PEAK1: variants seen among roughly 807,000 people sequenced by gnomAD.
PEAK1 encodes the protein inactive tyrosine-protein kinase PEAK1.
In PEAK1, 54 loss-of-function variants were observed where a neutral mutation model predicts 124.7. That is an observed-to-expected ratio of 0.43 (90% confidence interval 0.35 to 0.54). The LOEUF (loss-of-function observed/expected upper bound fraction) is 0.54, where lower values mean the gene tolerates loss of function less well. PEAK1 is among the 20% of genes least tolerant of loss of function. The pLI, the probability that PEAK1 is intolerant of heterozygous loss-of-function variation, is 0.01. For synonymous variants in PEAK1, 719 were observed against 760.0 expected, an observed-to-expected ratio of 0.95 and a Z score of 0.89; for missense variants, 2,046 against 2,134.5, an observed-to-expected ratio of 0.96 and a Z score of 0.82.
intron 1 of PEAK1, among the ~76,000 whole-genome samples, chr15:77,413,563 G>A (rs1160191491): frequency 6.6e-6 from 1 of 152,108 alleles, no homozygotes; most frequent in Non-Finnish European, 1.5e-5. Context: ...AAATACTTGT[G>A]TCAAGGTTAT....
intron 1 of PEAK1, among the ~76,000 whole-genome samples, chr15:77,376,950 G>GT (rs1363692043): frequency 6.6e-6 from 1 of 152,208 alleles, no homozygotes; most frequent in Non-Finnish European, 1.5e-5. Flanking sequence ...ATCGTAGACT[G>GT]TATTTACACA....
chr15:77,378,628 A>G (rs558563410), intron 1 of PEAK1, among the ~76,000 whole-genome samples: 5 of 152,322 alleles, frequency 3.3e-5, no homozygotes, highest in African/African-American at 1.2e-4. Flanking sequence ...TGGAAGGTCA[A>G]TACCATTGCA....
At chr15:77,106,932 A>ACACTTCAGCCTTCGTATAAGGGCAGTGGC (rs1246560581), downstream of PEAK1, 2 of 152,198 alleles carry the variant, frequency 1.3e-5, no homozygotes, top group Non-Finnish European at 2.9e-5. Flanking sequence ...AGCTTTTGTT[A>ACACTTCAGCCTTCGTATAAGGGCAGTGGC]CACTTCAGCC....
intron 7 of PEAK1, among the ~76,000 whole-genome samples, chr15:77,176,062 T>A (rs1387258732): frequency 6.8e-6 from 1 of 146,590 alleles, no homozygotes; most frequent in Non-Finnish European, 1.5e-5. Flanking sequence ...TGAGAACACA[T>A]GGACACAGGA....
At chr15:77,201,051 TCTC>T (rs1214161262) in intron 6 of PEAK1, among the ~76,000 whole-genome samples, 2 of 152,008 alleles carry the variant, frequency 1.3e-5, no homozygotes, top group Non-Finnish European at 2.9e-5. Context: ...TTTTAGCATT[TCTC>T]CTCAGATTTA....
chr15:77,298,250 G>A (rs1226975206), intron 2 of PEAK1, among the ~76,000 whole-genome samples: 5 of 83,018 alleles, frequency 6.0e-5, no homozygotes, highest in Admixed American at 1.8e-4. Context: ...AGGTAGTCTC[G>A]CTGTGCTGCC....
intron 2 of PEAK1, among the ~76,000 whole-genome samples, chr15:77,292,917 A>G (rs377162861): frequency 6.6e-6 from 1 of 152,184 alleles, no homozygotes; most frequent in African/African-American, 2.4e-5. Context: ...ATCCAGTTCT[A>G]TATCTCCACT....
At chr15:77,173,084 A>C (rs536803810) in intron 7 of PEAK1, among the ~76,000 whole-genome samples, 24 of 152,200 alleles carry the variant, frequency 1.6e-4, no homozygotes, top group Admixed American at 9.2e-4. Context: ...ACTCACTTAA[A>C]AACAACAACA....
In PEAK1 at chr15:77,133,186, T is replaced by C. The variant is rs1232301433; in HGVS notation, c.3896A>G (p.Lys1299Arg). The change falls in exon 9 of 10, where the codon AAG (lysine) becomes AGG (arginine). Residue 1299 changes from lysine to arginine, a missense_variant. Physicochemically the swap from Lys to Arg is conservative, Grantham distance 26. Coordinates refer to ENST00000682557, the MANE Select transcript of PEAK1 (RefSeq NM_001385026.1). This position sits in a 1 kb window ranked among gnomAD's most constrained non-coding sequence, Gnocchi z 4.2. ...GTCTTCGCATTTAACAGCCAGTTTC[T>C]TCAAGGCATCTGTATGAAGGCTTCG... is the stretch of plus-strand genomic sequence containing the variant. The part of the protein sequence containing the change: ...KIRSLHTDAL[K>R]KLAVKCEDLF... 1 of 1,614,128 alleles carries C rather than the reference T, an allele frequency of 6.2e-7. No homozygotes were observed. The highest frequency in any genetic ancestry group is 8.5e-7 in the Non-Finnish European group (1 of 1,180,048).
At chr15:77,240,422 C>T (rs1466434818) in intron 6 of PEAK1, among the ~76,000 whole-genome samples, 1 of 151,674 alleles carries the variant, frequency 6.6e-6, no homozygotes, top group African/African-American at 2.4e-5. Flanking sequence ...GAGTTCAAGA[C>T]AAGCCTGGGC....
intron 6 of PEAK1, among the ~76,000 whole-genome samples, chr15:77,185,583 T>C (rs979895239): frequency 6.6e-6 from 1 of 152,172 alleles, no homozygotes; most frequent in Non-Finnish European, 1.5e-5. Context: ...TCTGTGACCT[T>C]AGCATGAACT....
intron 2 of PEAK1, among the ~76,000 whole-genome samples, chr15:77,327,146 A>G (rs1023478231): frequency 9.2e-5 from 14 of 152,140 alleles, no homozygotes; most frequent in Admixed American, 7.9e-4. Context: ...AGTAACCTGG[A>G]TTTTAGAAAT....
At chr15:77,165,379 T>C (rs12910127) in intron 7 of PEAK1, among the ~76,000 whole-genome samples, 14,409 of 152,036 alleles carry the variant, frequency 0.095, 752 homozygotes, top group Admixed American at 0.11. Context: ...GTATTTTTAG[T>C]AGAGATGGGG....
chr15:77,268,618 T>C (rs2061863731), intron 5 of PEAK1, among the ~76,000 whole-genome samples: 1 of 152,164 alleles, frequency 6.6e-6, no homozygotes, highest in African/African-American at 2.4e-5. Flanking sequence ...AAAACTTTCT[T>C]GGCCTTGCTA....
intron 6 of PEAK1, among the ~76,000 whole-genome samples, chr15:77,192,343 G>T (rs2152834642): frequency 6.6e-6 from 1 of 152,278 alleles, no homozygotes; most frequent in Middle Eastern, 3.4e-3. Context: ...ATGAAGGATG[G>T]GAACTGTGGC....
At position 77,347,362 on chromosome 15, in the gene PEAK1, G is replaced by A. The variant is rs370444693; in HGVS notation, c.-603+17801C>T. 8 of 985,268 alleles carry A rather than the reference G, an allele frequency of 8.1e-6. No individual in the cohort carries two copies. In the African/African-American group the frequency reaches 1.0e-4, roughly 13 times the overall value. The allele number at this position is 985,268 out of a possible 1,614,324, so 61.0% of individuals were successfully genotyped here. Reference sequence around the variant, plus strand: ...TAAGCATGAGTTGAGAAATGCCACAGAGGAAGAGGTTTCTGAATCAGAAAG... The same window carrying A: ...TAAGCATGAGTTGAGAAATGCCACAAAGGAAGAGGTTTCTGAATCAGAAAG... On this transcript the variant is annotated intron_variant, in intron 2 of 9. Transcript: ENST00000682557.
intron 8 of PEAK1, among the ~76,000 whole-genome samples, chr15:77,149,671 TC>T (rs1422504618): frequency 2.0e-5 from 3 of 152,210 alleles, no homozygotes; most frequent in African/African-American, 7.2e-5. Flanking sequence ...CAACCTTGTA[TC>T]ATAATGTATT....
Position 77,112,201 on chromosome 15 carries a change from AAGGG to A in PEAK1, c.*1951_*1954del, listed in dbSNP as rs1216217806. On this transcript the variant is annotated 3_prime_UTR_variant, in exon 10 of 10. Coordinates refer to ENST00000682557, the MANE Select transcript of PEAK1 (RefSeq NM_001385026.1). ...AGTCCTATATTGCTGGCCAGGGGAT[AAGGG>A]ACATTCTCCAAATAGAGCCTCACAT... The A allele has an allele frequency of 2.6e-5, 4 of 152,344 alleles. No homozygotes were observed. The highest frequency in any genetic ancestry group is 4.4e-5 in the Non-Finnish European group (3 of 68,022). The allele number at this position is 152,344 out of a possible 1,614,324, so 9.4% of individuals were successfully genotyped here. A position where few individuals can be genotyped will look rare whatever the true frequency, so the allele number is the denominator to read the frequency against.
chr15:77,139,941 G>C (rs1427344641), intron 8 of PEAK1, among the ~76,000 whole-genome samples: 1 of 152,010 alleles, frequency 6.6e-6, no homozygotes, highest in Non-Finnish European at 1.5e-5. Context: ...CAGAGCTTTT[G>C]TTTTATTCAC....
Sources: gnomAD v4.1 joint callset for allele counts (sites outside exome capture counted in the v4.1 genomes callset) on GRCh38, gnomAD v4.1.1 for gene constraint, Gnocchi (gnomAD v3.1) non-coding constraint, MANE v1.5 for transcripts, NCBI Gene and HGNC (gene_info 2026-07-23, HGNC 2026-07-21) for gene names.